LAMA2: variants seen among roughly 807,000 people sequenced by gnomAD.
LAMA2 encodes the protein laminin subunit alpha 2.
Under a neutral mutation model 364.8 loss-of-function variants are expected in LAMA2, and 269 were observed. The ratio of observed to expected loss-of-function variants is 0.74; its 90% CI spans 0.67 to 0.82. LAMA2 has a LOEUF of 0.82. Among genes scored for constraint, LAMA2 ranks in the 40% least tolerant of loss-of-function variants. The pLI is 0.00. For synonymous variants in LAMA2, 1,379 were observed against 1,370.6 expected (o/e 1.01, Z -0.14); for missense variants, 3,807 against 3,873.2 (o/e 0.98, Z 0.45).
chr6:129,118,516 A>G (rs910914989), intron 4 of LAMA2, among the ~76,000 whole-genome samples: 1 of 152,210 alleles, frequency 6.6e-6, no homozygotes, highest in African/African-American at 2.4e-5. Flanking sequence ...CCATATTTAA[A>G]CATACTGAAC....
In LAMA2 at chr6:129,004,426, AAAAAG is replaced by A. The variant is rs1173692922; in HGVS notation, c.113-45489_113-45485del. Among the ~76,000 whole-genome samples the A allele has an allele frequency of 2.0e-5, 3 of 148,380 alleles. 1 individual carries two copies. The highest frequency in any genetic ancestry group is 3.0e-5 in the Non-Finnish European group (2 of 66,976). ...AATAATAAAAAAAAAAAAAAAAAAAAAAAAGAAGTATGATGACAAATGGTCATTTT... is the reference window on the plus strand; with the variant it reads ...AATAATAAAAAAAAAAAAAAAAAAAAAAGTATGATGACAAATGGTCATTTT... On this transcript the variant is annotated intron_variant, in intron 1 of 64. Transcript: ENST00000421865.
chr6:129,088,456 C>A (rs1411123883), intron 3 of LAMA2, among the ~76,000 whole-genome samples: 2 of 152,032 alleles, frequency 1.3e-5, no homozygotes, highest in African/African-American at 4.8e-5. Flanking sequence ...CTCCTCACTT[C>A]CCAGAAGGGG....
intron 2 of LAMA2, among the ~76,000 whole-genome samples, chr6:129,053,888 A>G (rs1365078674): frequency 3.9e-5 from 6 of 152,170 alleles, no homozygotes; most frequent in African/African-American, 1.4e-4. Context: ...GTTTTCAAAG[A>G]TAAGAGACAT....
intron 23 of LAMA2, among the ~76,000 whole-genome samples, chr6:129,313,631 G>T (rs910103896): frequency 1.3e-5 from 2 of 152,172 alleles, no homozygotes; most frequent in African/African-American, 4.8e-5. Flanking sequence ...ATGGTTAAAT[G>T]ATGTAGAAAA....
chr6:129,017,377 G>A (rs571756764), intron 1 of LAMA2, among the ~76,000 whole-genome samples: 1 of 151,812 alleles, frequency 6.6e-6, no homozygotes, highest in African/African-American at 2.4e-5. Flanking sequence ...ATTGATTTTA[G>A]CAAAATTTAC....
intron 12 of LAMA2, among the ~76,000 whole-genome samples, chr6:129,224,671 C>A (rs1371742406): frequency 6.6e-6 from 1 of 152,120 alleles, no homozygotes; most frequent in East Asian, 1.9e-4. Context: ...GCCTTGCATC[C>A]CGTGGATGAA....
chr6:129,082,603 A>G (rs552192310), intron 3 of LAMA2, among the ~76,000 whole-genome samples: 1 of 152,242 alleles, frequency 6.6e-6, no homozygotes, highest in African/African-American at 2.4e-5. Flanking sequence ...TGAGACTCTA[A>G]TTTATTCACA....
intron 5 of LAMA2, among the ~76,000 whole-genome samples, chr6:129,145,152 C>T (rs551155548): frequency 6.6e-6 from 1 of 151,986 alleles, no homozygotes; most frequent in Admixed American, 6.6e-5. Flanking sequence ...TAGAATGATC[C>T]CACTAAGGTA....
At chr6:128,936,069 C>T (rs1037135415) in intron 1 of LAMA2, among the ~76,000 whole-genome samples, 14 of 152,196 alleles carry the variant, frequency 9.2e-5, no homozygotes, top group Admixed American at 5.2e-4. Flanking sequence ...ACTTCTTCTT[C>T]CTGCTGCCTT....
chr6:128,933,181 T>C (rs1779589180), intron 1 of LAMA2, among the ~76,000 whole-genome samples: 1 of 152,128 alleles, frequency 6.6e-6, no homozygotes, highest in African/African-American at 2.4e-5. Context: ...GATTTCCTTC[T>C]CTTTTATGGC....
At chr6:129,228,064 C>T (rs1049626195) in intron 12 of LAMA2, among the ~76,000 whole-genome samples, 1 of 152,156 alleles carries the variant, frequency 6.6e-6, no homozygotes, top group Non-Finnish European at 1.5e-5. Flanking sequence ...TGCCACCTTG[C>T]AGTTCAGTCT....
chr6:129,351,487 C>A (rs997783437), intron 31 of LAMA2, among the ~76,000 whole-genome samples: 4 of 152,098 alleles, frequency 2.6e-5, no homozygotes, highest in African/African-American at 9.7e-5. Context: ...TATAAATGAT[C>A]AGGTTATATT....
intron 39 of LAMA2, among the ~76,000 whole-genome samples, 153 bp from the exon 40 acceptor site, chr6:129,403,668 A>G (rs1408712811): frequency 6.6e-6 from 1 of 152,218 alleles, no homozygotes; most frequent in East Asian, 1.9e-4. Context: ...AAACTATAGG[A>G]CAATATAATA....
At position 129,512,429 on chromosome 6, in the gene LAMA2, G is replaced by T. The variant is rs564098225; in HGVS notation, c.8924G>T (p.Gly2975Val). 2.5e-6 allele frequency: 4 copies of T among 1,613,380 alleles called. No homozygotes were observed. The highest frequency in any genetic ancestry group is 3.4e-6 in the Non-Finnish European group (4 of 1,179,380). ...GAATTCCGCACAACTACAACGACTGGAGTTCTTCTGGGGATCAGTAGTCAA... is the reference window on the plus strand; with the variant it reads ...GAATTCCGCACAACTACAACGACTGTAGTTCTTCTGGGGATCAGTAGTCAA... ...EFEFRTTTTT[G>V]VLLGISSQKM... is the part of the protein sequence containing the mutation. Residue 2975 changes from glycine to valine, a missense_variant, in exon 63 of 65, where the codon GGA becomes GTA. By Grantham distance (109) the Gly-to-Val change is moderately radical. Around this residue, in one of 3 missense-constraint regions of LAMA2, gnomAD observed 3,333 missense variants for 3,345.7 expected, o/e 1.00. Transcript: ENST00000421865.
At chr6:129,379,594 C>T (rs1778565781) in intron 34 of LAMA2, among the ~76,000 whole-genome samples, 1 of 151,916 alleles carries the variant, frequency 6.6e-6, no homozygotes, top group African/African-American at 2.4e-5. Flanking sequence ...CTGTGCTGGC[C>T]CTGAAGAGTC....
At position 129,500,125 on chromosome 6, in the gene LAMA2, G is replaced by A. The variant is rs140803092; in HGVS notation, c.8245-2534G>A. Among the ~76,000 whole-genome samples the A allele has an allele frequency of 5.6e-3, 848 of 152,198 alleles. 9 individuals carry two copies. Among genetic ancestry groups the A allele is most frequent in the African/African-American group, 0.016 (685 of 41,524 alleles). On this transcript the variant is annotated intron_variant, in intron 58 of 64. Coordinates refer to ENST00000421865, the MANE Select transcript of LAMA2 (RefSeq NM_000426.4). ...TGCAAGGAAGACACCCTTTAACCAAGCAAGGGGGAGGTCGAGATTTGTACA... is the reference window on the plus strand; with the variant it reads ...TGCAAGGAAGACACCCTTTAACCAAACAAGGGGGAGGTCGAGATTTGTACA...
At chr6:129,325,305 C>G (rs1055037062) in intron 28 of LAMA2, among the ~76,000 whole-genome samples, 1 of 152,080 alleles carries the variant, frequency 6.6e-6, no homozygotes, top group African/African-American at 2.4e-5. Context: ...GTAAGAGGAG[C>G]TCAGGAAAGT....
At chr6:129,335,258 T>G (rs1775884213) in intron 29 of LAMA2, among the ~76,000 whole-genome samples, 1 of 152,108 alleles carries the variant, frequency 6.6e-6, no homozygotes, top group Admixed American at 6.6e-5. Flanking sequence ...AAAAAAAATT[T>G]TTTTGAAGAC....
intron 4 of LAMA2, among the ~76,000 whole-genome samples, chr6:129,137,500 G>T (rs2114947764): frequency 6.6e-6 from 1 of 152,022 alleles, no homozygotes; most frequent in East Asian, 1.9e-4. Flanking sequence ...CTAAACGTAT[G>T]AAGATACCCA....
Sources: gnomAD v4.1 joint callset for allele counts (sites outside exome capture counted in the v4.1 genomes callset) on GRCh38, gnomAD v4.1.1 for gene constraint, gnomAD v4.1.1 regional missense constraint, MANE v1.5 for transcripts, NCBI Gene and HGNC (gene_info 2026-07-23, HGNC 2026-07-21) for gene names.